LDB2: variants seen among roughly 807,000 people sequenced by gnomAD.
The protein encoded by LDB2 is LIM domain-binding protein 2.
In LDB2, 12 loss-of-function variants were observed where a neutral mutation model predicts 44.3. The ratio of observed to expected loss-of-function variants is 0.27; its 90% CI spans 0.17 to 0.44. LDB2 has a LOEUF of 0.44. Among genes scored for constraint, LDB2 ranks in the 20% least tolerant of loss-of-function variants. The probability of loss-of-function intolerance (pLI) is 1.00; values close to 1 mark genes in which losing one functional copy is unlikely to be tolerated. For synonymous variants in LDB2, 164 were observed against 174.8 expected, an observed-to-expected ratio of 0.94 and a Z score of 0.49; for missense variants, 344 against 473.5, an observed-to-expected ratio of 0.73 and a Z score of 2.54.
intron 2 of LDB2, among the ~76,000 whole-genome samples, chr4:16,707,871 A>G (rs1754959908): frequency 6.6e-6 from 1 of 152,208 alleles, no homozygotes; most frequent in Non-Finnish European, 1.5e-5. Flanking sequence ...ATCATTATAC[A>G]CTGACCTTTT....
intron 5 of LDB2, among the ~76,000 whole-genome samples, chr4:16,576,987 G>A (rs924210093): frequency 5.3e-5 from 8 of 152,074 alleles, no homozygotes; most frequent in Non-Finnish European, 8.8e-5. Context: ...AAAGCCATAC[G>A]ATCATTTCAA....
At chr4:16,615,482 A>C (rs1256640588) in intron 2 of LDB2, among the ~76,000 whole-genome samples, 1 of 152,208 alleles carries the variant, frequency 6.6e-6, no homozygotes, top group African/African-American at 2.4e-5. Flanking sequence ...GGAAGCCATC[A>C]ACCTCAGGAA....
intron 2 of LDB2, among the ~76,000 whole-genome samples, chr4:16,692,320 C>T (rs779971402): frequency 6.6e-6 from 1 of 152,146 alleles, no homozygotes; most frequent in Non-Finnish European, 1.5e-5. Context: ...TTGCTGAGAC[C>T]TTCAGAATAA....
At position 16,782,558 on chromosome 4, in the gene LDB2, G is replaced by C. The variant is rs966151192; in HGVS notation, c.133-23298C>G. On this transcript the variant is annotated intron_variant, in intron 1 of 7. Coordinates refer to ENST00000304523, the MANE Select transcript of LDB2 (RefSeq NM_001290.5). ...GTAGAGACGGGGTTTCACCATATTAGCCACGATTGTCTCAATCTCCTGACC... is the reference window on the plus strand; with the variant it reads ...GTAGAGACGGGGTTTCACCATATTACCCACGATTGTCTCAATCTCCTGACC... Among the ~76,000 whole-genome samples, 9 of 152,096 alleles carry C rather than the reference G, an allele frequency of 5.9e-5. 1 individual carries two copies. Among genetic ancestry groups the C allele is most frequent in the Admixed American group, 2.0e-4 (3 of 15,264 alleles).
chr4:16,763,574 G>T (rs1252824065), intron 1 of LDB2, among the ~76,000 whole-genome samples: 1 of 151,924 alleles, frequency 6.6e-6, no homozygotes, highest in East Asian at 1.9e-4. Context: ...CTAAGTGTTG[G>T]GTATAGGCCA....
At chr4:16,690,839 T>C (rs966874586) in intron 2 of LDB2, among the ~76,000 whole-genome samples, 3 of 152,194 alleles carry the variant, frequency 2.0e-5, no homozygotes, top group Non-Finnish European at 4.4e-5. Flanking sequence ...AACTCCATTG[T>C]TGACTGAATT....
chr4:16,634,448 A>G (rs1324054261), intron 2 of LDB2, among the ~76,000 whole-genome samples: 3 of 152,092 alleles, frequency 2.0e-5, no homozygotes, highest in Non-Finnish European at 4.4e-5. Flanking sequence ...AATTTACAAG[A>G]AAAAAGCAAA....
rs1216724787 is a variant in LDB2 at position 16,544,883 on chromosome 4, T to C, written c.616-32779A>G. ...AATGAAGGAGTTGTCAGCTTAGAGA[T>C]TGTATTAAAATGCATAGGACTCAAT... On this transcript the variant is annotated intron_variant, in intron 5 of 7. Transcript: ENST00000304523. Among the ~76,000 whole-genome samples the C allele has an allele frequency of 2.0e-5, 3 of 152,048 alleles. No homozygotes were observed. In the East Asian group the frequency reaches 5.8e-4, roughly 29 times the overall value.
In LDB2 at chr4:16,822,058, C is replaced by G. The variant is rs528418172; in HGVS notation, c.133-62798G>C. Among the ~76,000 whole-genome samples the G allele has an allele frequency of 2.0e-5, 3 of 151,888 alleles. No homozygotes were observed. The South Asian group carries it at 6.2e-4, about 32-fold the overall frequency. On this transcript the variant is annotated intron_variant, in intron 1 of 7. Coordinates refer to ENST00000304523, the MANE Select transcript of LDB2 (RefSeq NM_001290.5). Reference sequence around the variant, plus strand: ...AGCTCTGCTACTTAGTAGCTTATCACCTCAAGGTCTCATTTGTAAAATGGA... The same window carrying G: ...AGCTCTGCTACTTAGTAGCTTATCAGCTCAAGGTCTCATTTGTAAAATGGA...
At chr4:16,770,304 T>A (rs1358774368) in intron 1 of LDB2, among the ~76,000 whole-genome samples, 1 of 152,186 alleles carries the variant, frequency 6.6e-6, no homozygotes, top group Non-Finnish European at 1.5e-5. Context: ...AATCACTTAA[T>A]TCAACAAATA....
chr4:16,528,209 G>T (rs1367793073), intron 5 of LDB2, among the ~76,000 whole-genome samples: 1 of 152,116 alleles, frequency 6.6e-6, no homozygotes, highest in South Asian at 2.1e-4. Flanking sequence ...GACTCAGGGC[G>T]AAAGGGAGGG....
At chr4:16,574,738 C>A (rs903117023) in intron 5 of LDB2, among the ~76,000 whole-genome samples, 3 of 152,162 alleles carry the variant, frequency 2.0e-5, no homozygotes, top group African/African-American at 7.2e-5. Context: ...CAGGAGGAGA[C>A]TGGCATTTAT....
intron 1 of LDB2, among the ~76,000 whole-genome samples, chr4:16,813,787 C>T (rs750272318): frequency 6.6e-6 from 1 of 152,058 alleles, no homozygotes; most frequent in Non-Finnish European, 1.5e-5. Flanking sequence ...TTTCCATCTG[C>T]AATAGACATA....
intron 2 of LDB2, among the ~76,000 whole-genome samples, chr4:16,703,308 G>A (rs1211331078): frequency 6.6e-6 from 1 of 152,232 alleles, no homozygotes; most frequent in African/African-American, 2.4e-5. Flanking sequence ...AGCCAGTCGT[G>A]GAAGGAGTTG....
At chr4:16,695,137 C>T (rs1751802779) in intron 2 of LDB2, among the ~76,000 whole-genome samples, 1 of 152,166 alleles carries the variant, frequency 6.6e-6, no homozygotes, top group African/African-American at 2.4e-5. Flanking sequence ...TTACTCAGTG[C>T]CTTGAAATGC....
intron 1 of LDB2, among the ~76,000 whole-genome samples, chr4:16,798,869 G>A (rs777875330): frequency 8.6e-5 from 13 of 151,956 alleles, no homozygotes; most frequent in Middle Eastern, 3.2e-3. Flanking sequence ...TTTATTTTTT[G>A]AGATGGAGAC....
chr4:16,822,777 A>C (rs1019497904), intron 1 of LDB2, among the ~76,000 whole-genome samples: 2 of 152,154 alleles, frequency 1.3e-5, no homozygotes, highest in African/African-American at 4.8e-5. Flanking sequence ...CAGCCTCCCA[A>C]AGTGCTGAGA....
chr4:16,834,043 C>T (rs1194835273), intron 1 of LDB2, among the ~76,000 whole-genome samples: 1 of 152,244 alleles, frequency 6.6e-6, no homozygotes, highest in Non-Finnish European at 1.5e-5. Flanking sequence ...TGGCCATTCT[C>T]TCTACAGTAG....
At chr4:16,866,377 C>A (rs1395586357) in intron 1 of LDB2, among the ~76,000 whole-genome samples, 1 of 152,248 alleles carries the variant, frequency 6.6e-6, no homozygotes, top group East Asian at 1.9e-4. Flanking sequence ...CTTTATGTTA[C>A]TTTATTAATT....
Sources: allele counts gnomAD v4.1 joint callset (sites outside exome capture counted in the v4.1 genomes callset), GRCh38; gene constraint gnomAD v4.1.1; transcripts MANE v1.5; gene names NCBI Gene and HGNC (gene_info 2026-07-23, HGNC 2026-07-21).